NUP210L: variants seen among roughly 807,000 people sequenced by gnomAD.
NUP210L encodes the protein nuclear pore membrane glycoprotein 210-like.
In NUP210L, 74 loss-of-function variants were observed where a neutral mutation model predicts 208.5. The ratio of observed to expected loss-of-function variants is 0.35; its 90% CI spans 0.29 to 0.43. The LOEUF (loss-of-function observed/expected upper bound fraction) is 0.43. Ranked by LOEUF, NUP210L falls within the 20% of genes least tolerant of loss-of-function variation. The probability of loss-of-function intolerance (pLI) is 1.00; values close to 1 mark genes in which losing one functional copy is unlikely to be tolerated. For missense variants in NUP210L, 1,843 were observed against 2,289.4 expected (o/e 0.81, Z 3.98); for synonymous variants, 780 against 816.9 (o/e 0.95, Z 0.77).
intron 16 of NUP210L, among the ~76,000 whole-genome samples, chr1:154,084,035 TTTC>T (rs1161931587): frequency 1.6e-5 from 2 of 126,076 alleles, no homozygotes; most frequent in South Asian, 2.8e-4. Flanking sequence ...TTCCTTTTCC[TTTC>T]TTTTTTTTTT....
chr1:154,016,541 A>G (rs1651257204), intron 33 of NUP210L, among the ~76,000 whole-genome samples: 1 of 151,748 alleles, frequency 6.6e-6, no homozygotes. Flanking sequence ...TATTTCTCTC[A>G]TAAAAAAAAA....
intron 15 of NUP210L, among the ~76,000 whole-genome samples, chr1:154,091,632 C>A (rs1483551473): frequency 6.6e-6 from 1 of 151,122 alleles, no homozygotes; most frequent in South Asian, 2.1e-4. Context: ...TCCCAAGTAG[C>A]TGAGATTACA....
chr1:154,046,455 T>A, intron 25 of NUP210L, 86 bp from the exon 26 acceptor site: 2 of 1,124,048 alleles, frequency 1.8e-6, no homozygotes, highest in South Asian at 2.6e-5. Context: ...TAGTTTGCTA[T>A]TGTTTTTAAC....
chr1:154,118,243 A>G (rs1281947373), intron 11 of NUP210L, among the ~76,000 whole-genome samples: 1 of 152,092 alleles, frequency 6.6e-6, no homozygotes, highest in African/African-American at 2.4e-5. Flanking sequence ...TGGGAGACAG[A>G]GGTTGCAGTG....
chr1:154,006,011 C>T (rs887237665), intron 35 of NUP210L, among the ~76,000 whole-genome samples: 31 of 152,006 alleles, frequency 2.0e-4, no homozygotes, highest in East Asian at 1.5e-3. Context: ...CATGAGCCAC[C>T]GCGCCCCGCC....
At chr1:154,072,248 C>T (rs1308526535) in intron 16 of NUP210L, among the ~76,000 whole-genome samples, 1 of 151,442 alleles carries the variant, frequency 6.6e-6, no homozygotes, top group Non-Finnish European at 1.5e-5. Flanking sequence ...TGACCAGCAG[C>T]ATAAAGTGTT....
intron 12 of NUP210L, among the ~76,000 whole-genome samples, chr1:154,108,097 T>C (rs1656860016): frequency 6.6e-6 from 1 of 152,106 alleles, no homozygotes; most frequent in African/African-American, 2.4e-5. Flanking sequence ...CAGTATAAGA[T>C]ATAAATAGAA....
intron 15 of NUP210L, 71 bp downstream of exon 15, chr1:154,094,864 G>C: frequency 9.0e-7 from 1 of 1,110,944 alleles, no homozygotes; most frequent in Non-Finnish European, 1.3e-6. Context: ...AATCTGAAAA[G>C]GAATGGCTGG....
rs188181970 is a variant in NUP210L at position 154,106,926 on chromosome 1, T to C, written c.1621-2716A>G. ...AGGATGGGTACAAACAAGCACATTGTTCAAAGACTACAATTAATACCTAAC... is the reference window on the plus strand; with the variant it reads ...AGGATGGGTACAAACAAGCACATTGCTCAAAGACTACAATTAATACCTAAC... On this transcript the variant is annotated intron_variant, in intron 12 of 39. Coordinates refer to ENST00000368559, the Ensembl canonical transcript of NUP210L. Among the ~76,000 whole-genome samples, 20 of 152,266 alleles carry C rather than the reference T, an allele frequency of 1.3e-4. 1 individual carries two copies. The East Asian group carries it at 3.7e-3, about 28-fold the overall frequency.
At chr1:154,014,250 A>G (rs940692222) in intron 33 of NUP210L, among the ~76,000 whole-genome samples, 3 of 152,194 alleles carry the variant, frequency 2.0e-5, no homozygotes, top group African/African-American at 7.2e-5. Context: ...AATAGGCTTT[A>G]ATGAGTATCT....
At chr1:153,994,234 T>C (rs990031747) in intron 38 of NUP210L, among the ~76,000 whole-genome samples, 15 of 152,214 alleles carry the variant, frequency 9.9e-5, no homozygotes, top group Non-Finnish European at 1.5e-4. Context: ...GTAGCTGTTA[T>C]ACCTCAAGAT....
At chr1:154,138,197 A>G (rs1658643671) in exon 6 of NUP210L, 1 of 1,544,200 alleles carries the variant, frequency 6.5e-7, no homozygotes, top group Admixed American at 2.5e-5. Context: ...TAAGAAATAT[A>G]TTCTCCAAAA....
intron 27 of NUP210L, 60 bp from the exon 28 acceptor site, chr1:154,030,114 T>A: frequency 1.7e-6 from 2 of 1,204,388 alleles, no homozygotes; most frequent in Non-Finnish European, 2.2e-6. Context: ...TCCTTCCTTT[T>A]TTTTTCACTT....
chr1:154,003,621 G>C (rs1650340668), intron 35 of NUP210L, among the ~76,000 whole-genome samples: 1 of 151,672 alleles, frequency 6.6e-6, no homozygotes, highest in Non-Finnish European at 1.5e-5. Flanking sequence ...TCCTGCCTCA[G>C]AGCTAGGGCT....
At chr1:154,099,179 A>AT (rs1656329709) in intron 14 of NUP210L, among the ~76,000 whole-genome samples, 1 of 152,032 alleles carries the variant, frequency 6.6e-6, no homozygotes, top group Admixed American at 6.6e-5. Context: ...CACAGCTGCC[A>AT]TTTGAGTAGC....
intron 37 of NUP210L, among the ~76,000 whole-genome samples, chr1:153,996,709 C>T (rs1370110461): frequency 6.6e-6 from 1 of 151,926 alleles, no homozygotes; most frequent in Non-Finnish European, 1.5e-5. Flanking sequence ...GCATGAGCCG[C>T]TGCACCCAGC....
At chr1:154,142,612 C>T (rs563110777) in intron 3 of NUP210L, among the ~76,000 whole-genome samples, 2 of 152,082 alleles carry the variant, frequency 1.3e-5, no homozygotes, top group East Asian at 3.9e-4. Context: ...AGTTCGGAGG[C>T]CAGTGCGGTG....
At position 154,001,958 on chromosome 1, in the gene NUP210L, C is replaced by A; in HGVS notation, c.4958G>T (p.Arg1653Leu). ...CTGTAGCAGCTCCTCTGACTGCGGT[C>A]GAACCTTGATTATGCAGACATAAAC... Residue 1653 changes from arginine to leucine, a missense_variant, in exon 36 of 40, where the codon CGA becomes CTA. This residue lies in a region of NUP210L where 781 missense variants were observed against 973.8 expected (regional missense o/e 0.80). Transcript: ENST00000368559. 1 of 1,613,676 alleles carries A rather than the reference C, an allele frequency of 6.2e-7. No homozygotes were observed.
At position 154,148,696 on chromosome 1, in the gene NUP210L, A is replaced by G. The variant is rs377522212; in HGVS notation, c.340+4040T>C. Among the ~76,000 whole-genome samples, 8 of 152,308 alleles carry G rather than the reference A, an allele frequency of 5.3e-5. No homozygotes were observed. In the East Asian group the frequency reaches 1.5e-3, roughly 29 times the overall value. On this transcript the variant is annotated intron_variant, in intron 2 of 39. Transcript: ENST00000368559. ...TTTTAAATTAAAAAGTTTTAAAATTAAGTTAGCCTTCTACTTGATTAACAT... is the reference window on the plus strand; with the variant it reads ...TTTTAAATTAAAAAGTTTTAAAATTGAGTTAGCCTTCTACTTGATTAACAT...
Sources: gnomAD v4.1 joint callset for allele counts (sites outside exome capture counted in the v4.1 genomes callset) on GRCh38, gnomAD v4.1.1 for gene constraint, gnomAD v4.1.1 regional missense constraint, MANE v1.5 for transcripts, NCBI Gene and HGNC (gene_info 2026-07-23, HGNC 2026-07-21) for gene names.